The following TELO2 variants were observed in gnomAD, a reference collection of about 807,000 sequenced individuals.
TELO2 encodes the protein telomere length regulation protein TEL2 homolog.
TELO2 carries 71 observed loss-of-function variants against 91.0 expected under a neutral mutation model. The observed-to-expected ratio is 0.78, with a 90% CI of 0.64 to 0.95. The LOEUF (loss-of-function observed/expected upper bound fraction) is 0.95. Ranked by LOEUF, TELO2 falls within the 40% of genes least tolerant of loss-of-function variation. The probability of loss-of-function intolerance (pLI) is 0.00; values close to 1 mark genes in which losing one functional copy is unlikely to be tolerated. For missense variants in TELO2, 1,183 were observed against 1,141.3 expected (o/e 1.04, Z -0.53); for synonymous variants, 584 against 518.9 (o/e 1.13, Z -1.71).
At chr16:1,501,624 G>C (rs1247726270) in intron 10 of TELO2, 39 bp from the exon 11 acceptor site, 6 of 1,584,148 alleles carry the variant, frequency 3.8e-6, no homozygotes, top group African/African-American at 1.4e-5. Context: ...AGAGGCTCGA[G>C]GGGCCCCTAA....
chr16:1,496,337 G>C (rs1245555648), intron 3 of TELO2, among the ~76,000 whole-genome samples: 1 of 152,208 alleles, frequency 6.6e-6, no homozygotes, highest in Non-Finnish European at 1.5e-5. Context: ...CGTGGGGCCT[G>C]TGTGGCCCAA....
intron 2 of TELO2, 138 bp from the exon 3 acceptor site, chr16:1,495,208 C>T (rs1232603168): frequency 8.1e-7 from 1 of 1,238,604 alleles, no homozygotes; most frequent in East Asian, 2.6e-5. Flanking sequence ...ATTTTCCCAT[C>T]CGGCTTGTGG....
rs1325118065 is a variant in TELO2, at chr16:1,494,596, G to A, written c.315G>A (p.Glu105=). ...PADQAFLVLM[E]TIEGAAGPSF... Reference sequence around the variant, plus strand: ...ACCAAGCCTTCCTGGTGTTGATGGAGACCATCGAGGGTGCTGCGGGGTGAG... The same window carrying A: ...ACCAAGCCTTCCTGGTGTTGATGGAAACCATCGAGGGTGCTGCGGGGTGAG... Residue 105 remains glutamate (E), a synonymous_variant, in exon 2 of 21, where the codon GAG becomes GAA. Coordinates refer to ENST00000262319, the MANE Select transcript of TELO2 (RefSeq NM_016111.4). The surrounding 1 kb of genome is among the most constrained non-coding windows in gnomAD (Gnocchi z 5.6). 6.2e-7 allele frequency: 1 copy of A among 1,613,022 alleles called. No homozygotes were observed. The highest frequency in any genetic ancestry group is 2.2e-5 in the East Asian group (1 of 44,868).
chr16:1,500,257 C>T, intron 7 of TELO2, 90 bp from the exon 8 acceptor site: 5 of 1,529,548 alleles, frequency 3.3e-6, no homozygotes, highest in East Asian at 2.4e-5. Context: ...GCTGGCTGGG[C>T]TGGGGCGGAG....
Position 1,493,637 on chromosome 16 carries a change from G to A in TELO2, c.-37+32G>A, listed in dbSNP as rs1198053292. ...TTGGGGGTCGGGGATCGGGGATCGG[G>A]GGTCCGGTTGGGTCGGGTTGGGCTC... is the stretch of plus-strand genomic sequence containing the variant. On this transcript the variant is annotated intron_variant, in intron 1 of 20. Transcript: ENST00000262319. The surrounding 1 kb of genome is among the most constrained non-coding windows in gnomAD (Gnocchi z 4.3). 1 of 152,392 alleles carries A rather than the reference G, an allele frequency of 6.6e-6. No homozygotes were observed. Among genetic ancestry groups the A allele is most frequent in the Non-Finnish European group, 1.5e-5 (1 of 68,168 alleles). The allele number at this position is 152,392 out of a possible 1,614,324, so 9.4% of individuals were successfully genotyped here.
chr16:1,499,246 G>A lies in TELO2; in HGVS notation c.846G>A (p.Ser282=), dbSNP rs764952387. The A allele has an allele frequency of 1.5e-5, 24 of 1,613,892 alleles. No homozygotes were observed. The African/African-American group carries it at 1.6e-4, about 11-fold the overall frequency. Residue 282 remains serine, a synonymous_variant, in exon 6 of 21, where the codon TCG becomes TCA. Transcript: ENST00000262319. ...VEAALGPEVL[S]RLLGNLVVKN... ...TGTCTTGCAGGCCTGAGGTCCTTTC[G>A]AGACTGCTGGGGAACCTGGTGGTGA...
intron 20 of TELO2, among the ~76,000 whole-genome samples, chr16:1,508,457 G>A (rs2039988939): frequency 6.6e-6 from 1 of 152,184 alleles, no homozygotes; most frequent in African/African-American, 2.4e-5. Context: ...GTTGTTTGCT[G>A]GCCTTTGTGG....
intron 3 of TELO2, among the ~76,000 whole-genome samples, chr16:1,495,889 GGGGATCTCGA>G (rs1430361430): frequency 2.0e-5 from 3 of 152,212 alleles, no homozygotes; most frequent in Non-Finnish European, 4.4e-5. Context: ...TGGCCAGGTG[GGGGATCTCGA>G]GGTTCTCAGG....
rs1469944158 is a variant in TELO2, at chr16:1,494,657, A to C, written c.335+41A>C. 1 of 1,566,208 alleles carries C rather than the reference A, an allele frequency of 6.4e-7. No homozygotes were observed. The highest frequency in any genetic ancestry group is 8.7e-7 in the Non-Finnish European group (1 of 1,154,878). On this transcript the variant is annotated intron_variant, in intron 2 of 20. Transcript: ENST00000262319. This position sits in a 1 kb window ranked among gnomAD's most constrained non-coding sequence, Gnocchi z 5.6. ...CCATCCTGGGGTTGCCGGTAGCCTC[A>C]GAAGTGATGAGAGTGGCTTGAAGGA...
chr16:1,500,567 G>T lies in TELO2; in HGVS notation c.1149G>T (p.Leu383=). 6.2e-7 allele frequency: 1 copy of T among 1,611,820 alleles called. No individual in the cohort carries two copies. Among genetic ancestry groups the T allele is most frequent in the Admixed American group, 1.7e-5 (1 of 59,922 alleles). The change falls in exon 9 of 21, where the codon CTG becomes CTT. Residue 383 remains leucine, a synonymous_variant. Coordinates refer to ENST00000262319, the MANE Select transcript of TELO2 (RefSeq NM_016111.4). ...GGGCCTGTCCGGTGCTTGCAGAACT[G>T]CTGGCCAGCATGATGGCGGGCGTGA... ...EPELRDSRDE[L]LASMMAGVKC... is the part of the protein sequence containing the mutation.
rs1171059039 is a variant in TELO2 at position 1,494,323 on chromosome 16, AG to A, written c.43del (p.Ala15ProfsTer21). 3.1e-6 allele frequency: 5 copies of A among 1,613,172 alleles called. No homozygotes were observed. Reference protein sequence around the residue: ...PSEVRLAVREAIHALSSSEDG... With the variant: ...PSEVRLAVREXIHALSSSEDG... ...CAGAGGTTCGACTCGCCGTCCGGGA[AG>A]CCATTCATGCCCTCTCGTCTTCGGA... On this transcript the variant is annotated frameshift_variant, in exon 2 of 21. Coordinates refer to ENST00000262319, the MANE Select transcript of TELO2 (RefSeq NM_016111.4). LOFTEE classifies it high-confidence loss of function. This position sits in a 1 kb window ranked among gnomAD's most constrained non-coding sequence, Gnocchi z 5.6.
At position 1,497,479 on chromosome 16, in the gene TELO2, G is replaced by T. The variant is rs773741940; in HGVS notation, c.801G>T (p.Val267=). 5.5e-5 allele frequency: 87 copies of T among 1,573,378 alleles called. No homozygotes were observed. The highest frequency in any genetic ancestry group is 7.1e-5 in the Non-Finnish European group (83 of 1,162,208). The part of the protein sequence containing the change: ...EQVPDRAMEA[V]LTGLVEAALG... ...TGCCGGACCGGGCCATGGAGGCTGT[G>T]CTGACCGGGCTGGTGGAGGCCGCAC... Residue 267 remains valine, a synonymous_variant, in exon 5 of 21, where the codon GTG becomes GTT. Transcript: ENST00000262319. The surrounding 1 kb of genome is among the most constrained non-coding windows in gnomAD (Gnocchi z 4.0).
At chr16:1,509,624 C>A (rs1465360828) in intron 20 of TELO2, among the ~76,000 whole-genome samples, 1 of 152,236 alleles carries the variant, frequency 6.6e-6, no homozygotes, top group Non-Finnish European at 1.5e-5. Context: ...CTCAGGGCAG[C>A]CCTCCATGTA....
In TELO2 at chr16:1,505,651, T is replaced by TGGGG; in HGVS notation, c.2034+53_2034+54insGGGG. ...CACGGGCATGGGGACCGTGGGTGGG[T>TGGGG]GGGAAGGGCGGTCAGACACCTCCAG... On this transcript the variant is annotated intron_variant, in intron 16 of 20. Coordinates refer to ENST00000262319, the MANE Select transcript of TELO2 (RefSeq NM_016111.4). This position sits in a 1 kb window ranked among gnomAD's most constrained non-coding sequence, Gnocchi z 4.3. 4 of 711,336 alleles carry TGGGG rather than the reference T, an allele frequency of 5.6e-6. No individual in the cohort carries two copies. The highest frequency in any genetic ancestry group is 9.3e-6 in the Non-Finnish European group (4 of 431,200). The allele number at this position is 711,336 out of a possible 1,614,324, so 44.1% of individuals were successfully genotyped here. A position where few individuals can be genotyped will look rare whatever the true frequency, so the allele number is the denominator to read the frequency against.
chr16:1,497,434 C>G lies in TELO2; in HGVS notation c.756C>G (p.Cys252Trp). 1 of 1,562,744 alleles carries G rather than the reference C, an allele frequency of 6.4e-7. No homozygotes were observed. The highest frequency in any genetic ancestry group is 8.7e-7 in the Non-Finnish European group (1 of 1,154,628). ...GCAGCTACCTGCACCAGCGCGTCTG[C>G]TGGCGCCTGGTGGAGCAAGTGCCGG... is the stretch of plus-strand genomic sequence containing the variant. Reference protein sequence around the residue: ...TQGSYLHQRVCWRLVEQVPDR... With the variant: ...TQGSYLHQRVWWRLVEQVPDR... The change falls in exon 5 of 21, where the codon TGC becomes TGG. Residue 252 changes from cysteine (C) to tryptophan (W), a missense_variant. By Grantham distance (215) the Cys-to-Trp change is radical. Coordinates refer to ENST00000262319, the MANE Select transcript of TELO2 (RefSeq NM_016111.4). The surrounding 1 kb of genome is among the most constrained non-coding windows in gnomAD (Gnocchi z 4.0).
intron 16 of TELO2, 116 bp from the exon 17 acceptor site, chr16:1,506,121 CG>C: frequency 8.7e-7 from 1 of 1,148,966 alleles, no homozygotes. Context: ...AAGAGTAGCC[CG>C]GGGAGGCAAG....
At chr16:1,507,428 T>C (rs1260869175) in intron 19 of TELO2, 58 bp downstream of exon 19, 2 of 1,594,058 alleles carry the variant, frequency 1.3e-6, no homozygotes, top group East Asian at 4.5e-5. Flanking sequence ...AGGGGTCTTA[T>C]TGTGGGGGCC....
intron 15 of TELO2, among the ~76,000 whole-genome samples, chr16:1,504,115 A>ATT: frequency 7.5e-6 from 1 of 132,986 alleles, no homozygotes. Flanking sequence ...ATAGAGCAAG[A>ATT]CTCTGTCTCT....
chr16:1,501,861 C>T (rs1424487927), intron 11 of TELO2, 88 bp downstream of exon 11: 15 of 1,470,444 alleles, frequency 1.0e-5, no homozygotes, highest in African/African-American at 1.4e-5. Context: ...GTGGGGGGCT[C>T]CCTGCCTGCT....
Sources: allele counts gnomAD v4.1 joint callset (sites outside exome capture counted in the v4.1 genomes callset), GRCh38; gene constraint gnomAD v4.1.1; non-coding constraint Gnocchi (gnomAD v3.1); transcripts MANE v1.5; gene names NCBI Gene and HGNC (gene_info 2026-07-23, HGNC 2026-07-21).